DBF4B: variants seen among roughly 807,000 people sequenced by gnomAD.
DBF4B encodes the protein DBF4B-CDC7 kinase regulatory subunit.
DBF4B carries 49 observed loss-of-function variants against 53.4 expected under a neutral mutation model. The observed-to-expected ratio is 0.92, with a 90% confidence interval of 0.73 to 1.16. The LOEUF is 1.16. DBF4B is among the 50% of genes most tolerant of loss of function. The probability of loss-of-function intolerance (pLI) is 0.00; values close to 1 mark genes in which losing one functional copy is unlikely to be tolerated. For synonymous variants in DBF4B, 257 were observed against 288.7 expected, an observed-to-expected ratio of 0.89 and a Z score of 1.11; for missense variants, 692 against 775.0, an observed-to-expected ratio of 0.89 and a Z score of 1.27.
intron 2 of DBF4B, among the ~76,000 whole-genome samples, chr17:44,709,713 A>G (rs1039628284): frequency 6.6e-6 from 1 of 152,124 alleles, no homozygotes; most frequent in East Asian, 1.9e-4. Context: ...TCATATTATG[A>G]ACAAGATTAA....
At chr17:44,726,645 C>T (rs566216633) in intron 3 of DBF4B, among the ~76,000 whole-genome samples, 1 of 152,102 alleles carries the variant, frequency 6.6e-6, no homozygotes, top group South Asian at 2.1e-4. Flanking sequence ...CCTTCATATG[C>T]ATCATTTGCG....
chr17:44,743,623 T>C (rs1403072480), intron 10 of DBF4B, among the ~76,000 whole-genome samples: 1 of 150,216 alleles, frequency 6.7e-6, no homozygotes, highest in East Asian at 2.0e-4. Context: ...TTTTTTTTTT[T>C]TTTTTGAGAA....
At chr17:44,748,924 C>G (rs2049190686) in intron 13 of DBF4B, 1 of 1,290,036 alleles carries the variant, frequency 7.8e-7, no homozygotes, top group South Asian at 1.2e-5. Context: ...AGACCCCTTC[C>G]CCTGGCAGCC....
chr17:44,738,340 G>A (rs1975666203), intron 8 of DBF4B, 39 bp from the exon 9 acceptor site: 3 of 1,605,728 alleles, frequency 1.9e-6, no homozygotes, highest in Non-Finnish European at 2.6e-6. Flanking sequence ...CTGCACAGGG[G>A]CAGACAGATA....
Position 44,747,088 on chromosome 17 carries a change from C to A in DBF4B, c.836C>A (p.Ser279Tyr). The A allele has an allele frequency of 6.2e-7, 1 of 1,614,080 alleles. No homozygotes were observed. Among genetic ancestry groups the A allele is most frequent in the Non-Finnish European group, 8.5e-7 (1 of 1,179,988 alleles). ...TLGSMHHTRE[S>Y]KDGEPSPRSA... is the part of the protein sequence containing the mutation. Reference sequence around the variant, plus strand: ...GCACTATGTACCCTCCCCAGAGAATCCAAGGATGGAGAGCCAAGCCCACGA... The same window carrying A: ...GCACTATGTACCCTCCCCAGAGAATACAAGGATGGAGAGCCAAGCCCACGA... Residue 279 changes from serine to tyrosine, a missense_variant, in exon 11 of 14, where the codon TCC (serine) becomes TAC (tyrosine). By Grantham distance (144) the Ser-to-Tyr change is moderately radical. Coordinates refer to ENST00000315005, the MANE Select transcript of DBF4B (RefSeq NM_145663.3).
intron 9 of DBF4B, among the ~76,000 whole-genome samples, chr17:44,739,776 T>A (rs969189018): frequency 1.6e-4 from 23 of 145,676 alleles, no homozygotes; most frequent in East Asian, 7.9e-4. Flanking sequence ...TCTTGTGAAA[T>A]TTTTTTTTTT....
At chr17:44,709,443 C>T (rs1972666773) in intron 2 of DBF4B, 77 bp downstream of exon 2, 1 of 1,483,674 alleles carries the variant, frequency 6.7e-7, no homozygotes, top group African/African-American at 1.4e-5. Flanking sequence ...AAAAATGTTC[C>T]CCCTGTTGGA....
In DBF4B at chr17:44,744,081, ACCCCCCCCCCCC is replaced by A. The variant is rs71361595; in HGVS notation, c.830+2633_830+2644del. On this transcript the variant is annotated intron_variant, in intron 10 of 13. Transcript: ENST00000315005. The stretch of plus-strand genomic sequence containing the variant: ...CCAGCCTGGGCAACATAATGAGACC[ACCCCCCCCCCCC>A]CCCGCCCATCTCTATTTTTATATTT... Among the ~76,000 whole-genome samples the A allele has an allele frequency of 2.3e-4, 2 of 8,694 alleles. 1 individual carries two copies. The highest frequency in any genetic ancestry group is 1.1e-3 in the African/African-American group (2 of 1,870). The allele number at this position is 8,694 out of a possible 152,430, so 5.7% of individuals were successfully genotyped here.
intron 13 of DBF4B, chr17:44,748,911 C>G: frequency 1.6e-6 from 2 of 1,290,194 alleles, no homozygotes; most frequent in South Asian, 1.2e-5. Context: ...GCCTCTCTCT[C>G]CCAGACCCCT....
At chr17:44,740,231 C>G (rs1400560199) in intron 9 of DBF4B, among the ~76,000 whole-genome samples, 1 of 152,180 alleles carries the variant, frequency 6.6e-6, no homozygotes, top group Non-Finnish European at 1.5e-5. Context: ...CCTTAAGGGT[C>G]CAAGAAGACT....
rs952137792 is a variant in DBF4B, at chr17:44,735,847, C to T, written c.631-983C>T. ...CCAGAGGCACAGGTGGTCATGGATC[C>T]ACCATCATCCTGGCCCTCCAGCTAA... On this transcript the variant is annotated intron_variant, in intron 7 of 13. Transcript: ENST00000315005. Among the ~76,000 whole-genome samples the T allele has an allele frequency of 3.9e-4, 59 of 152,316 alleles. 1 individual carries two copies. The highest frequency in any genetic ancestry group is 1.2e-3 in the African/African-American group (50 of 41,566).
chr17:44,746,125 G>A (rs991876305), intron 10 of DBF4B, among the ~76,000 whole-genome samples: 3 of 151,338 alleles, frequency 2.0e-5, no homozygotes, highest in Non-Finnish European at 2.9e-5. Flanking sequence ...CCAGCTATTC[G>A]GGAGGCTGAG....
chr17:44,739,305 TAAATTTTTTA>T, intron 9 of DBF4B, among the ~76,000 whole-genome samples: 1 of 152,372 alleles, frequency 6.6e-6, no homozygotes, highest in East Asian at 1.9e-4. Context: ...TCAGACTAAA[TAAATTTTTTA>T]AAGGAAATAA....
Position 44,736,718 on chromosome 17 carries a change from C to T in DBF4B, c.631-112C>T, listed in dbSNP as rs1975476624. On this transcript the variant is annotated intron_variant, in intron 7 of 13. Transcript: ENST00000315005. ...TGAGAGTCTGGTTCTGCAGGCCTCT[C>T]AACAGCAGGAAGCAAAGTGGGACAG... 35 of 1,208,002 alleles carry T rather than the reference C, an allele frequency of 2.9e-5. 1 individual carries two copies. In the South Asian group the frequency reaches 4.4e-4, roughly 15 times the overall value. The allele number at this position is 1,208,002 out of a possible 1,614,324, so 74.8% of individuals were successfully genotyped here. A position where few individuals can be genotyped will look rare whatever the true frequency, so the allele number is the denominator to read the frequency against.
Position 44,747,407 on chromosome 17 carries a change from A to G in DBF4B, c.956A>G (p.Gln319Arg). 2 of 1,613,942 alleles carry G rather than the reference A, an allele frequency of 1.2e-6. No homozygotes were observed. The highest frequency in any genetic ancestry group is 1.7e-6 in the Non-Finnish European group (2 of 1,179,976). ...EELHVHLQSA[Q>R]HRSFALEAHL... ...CGCCGGCAGCATCTTCAGAGTGCCC[A>G]GCACCGGAGCTTTGCCCTGGAAGCC... Residue 319 changes from glutamine to arginine, a missense_variant, in exon 12 of 14, where the codon CAG becomes CGG. By Grantham distance (43) the Gln-to-Arg change is conservative. Transcript: ENST00000315005.
chr17:44,747,033 C>G (rs771932133), intron 10 of DBF4B, 50 bp from the exon 11 acceptor site: 5 of 1,562,918 alleles, frequency 3.2e-6, no homozygotes, highest in East Asian at 2.2e-5. Flanking sequence ...GGCTCCTCCC[C>G]CCAAGGGCCC....
rs2049263311 is a variant in DBF4B at position 44,750,849 on chromosome 17, T to G, written c.1444T>G (p.Ser482Ala). The G allele has an allele frequency of 6.2e-7, 1 of 1,613,990 alleles. No homozygotes were observed. The highest frequency in any genetic ancestry group is 1.7e-5 in the Admixed American group (1 of 59,996). Residue 482 changes from serine (S) to alanine (A), a missense_variant, in exon 14 of 14, where the codon TCC (serine) becomes GCC (alanine). This residue lies in a region of DBF4B where 597 missense variants were observed against 665.8 expected (regional missense o/e 0.90). Coordinates refer to ENST00000315005, the MANE Select transcript of DBF4B (RefSeq NM_145663.3). Reference sequence around the variant, plus strand: ...GCCCCTCCATCCCTCCCAAGAAAACTCCTTTGCCCCGGCGGACATTCCTGT... The same window carrying G: ...GCCCCTCCATCCCTCCCAAGAAAACGCCTTTGCCCCGGCGGACATTCCTGT... Reference protein sequence around the residue: ...DMPLHPSQENSFAPADIPVKG... With the variant: ...DMPLHPSQENAFAPADIPVKG...
chr17:44,741,737 C>T (rs1297515035), intron 10 of DBF4B, among the ~76,000 whole-genome samples: 1 of 152,200 alleles, frequency 6.6e-6, no homozygotes, highest in Non-Finnish European at 1.5e-5. Context: ...TGTTAATTCA[C>T]TGCTGAGATA....
chr17:44,738,478 G>A, intron 9 of DBF4B, 54 bp downstream of exon 9: 1 of 1,577,258 alleles, frequency 6.3e-7, no homozygotes, highest in Admixed American at 1.8e-5. Context: ...ACAGAGGAGG[G>A]AGGAGGGAGG....
Sources: allele counts gnomAD v4.1 joint callset (sites outside exome capture counted in the v4.1 genomes callset), GRCh38; gene constraint gnomAD v4.1.1; regional missense constraint gnomAD v4.1.1; transcripts MANE v1.5; gene names NCBI Gene and HGNC (gene_info 2026-07-23, HGNC 2026-07-21).